The following ZAN variants were observed in gnomAD, a reference collection of about 807,000 sequenced individuals.
ZAN encodes the protein zonadhesin.
In ZAN, 260 loss-of-function variants were observed where a neutral mutation model predicts 286.2. The observed-to-expected ratio is 0.91, with a 90% CI of 0.82 to 1.01. The LOEUF (loss-of-function observed/expected upper bound fraction) is 1.01. ZAN is among the 50% of genes least tolerant of loss of function. ZAN has a pLI of 0.00. For missense variants in ZAN, 3,410 were observed against 3,639.2 expected, an observed-to-expected ratio of 0.94 and a Z score of 1.62; for synonymous variants, 1,368 against 1,417.5, an observed-to-expected ratio of 0.97 and a Z score of 0.79.
rs1808852722 is a variant in ZAN, at chr7:100,752,833, CCAGAAAAACCCACCATCTCCA to C, written c.2730_2750del (p.Ser916_Ile922del). On this transcript the variant is annotated inframe_deletion, in exon 14 of 48. Coordinates refer to ENST00000613979, the MANE Select transcript of ZAN (RefSeq NM_003386.3). ...CCCCACAGAAAAACCCACCATCTCC[CCAGAAAAACCCACCATCTCCA>C]CGGAAAAACCCACCATCCCCACGGA... The C allele has an allele frequency of 6.6e-7, 1 of 1,518,578 alleles. No individual in the cohort carries two copies. The highest frequency in any genetic ancestry group is 1.6e-5 in the African/African-American group (1 of 61,456). The allele number at this position is 1,518,578 out of a possible 1,614,324, so 94.1% of individuals were successfully genotyped here. A position where few individuals can be genotyped will look rare whatever the true frequency, so the allele number is the denominator to read the frequency against.
chr7:100,750,747 G>A lies in ZAN; in HGVS notation c.1372G>A (p.Gly458Ser), dbSNP rs575878761. The A allele has an allele frequency of 9.9e-6, 16 of 1,613,258 alleles. No individual in the cohort carries two copies. In the South Asian group the frequency reaches 1.8e-4, roughly 18 times the overall value. The change falls in exon 12 of 48, where the codon GGC becomes AGC. Residue 458 changes from glycine (G) to serine (S), a missense_variant. Around this residue, in one of 7 missense-constraint regions of ZAN, gnomAD observed 872 missense variants for 938.9 expected, o/e 0.93. Transcript: ENST00000613979. ...ICVEFAYHMY[G>S]LGEGTMLELL... ...CGTGGAGTTCGCATACCACATGTAT[G>A]GCCTTGGGGAGGGTACTATGCTCGA...
intron 23 of ZAN, among the ~76,000 whole-genome samples, chr7:100,765,973 T>C (rs1317086221): frequency 2.0e-5 from 3 of 150,854 alleles, no homozygotes; most frequent in Non-Finnish European, 3.0e-5. Context: ...TTTTGGTTTT[T>C]TGTTGTTGTT....
At chr7:100,747,512 C>T (rs755382666) in intron 8 of ZAN, 38 bp from the exon 9 acceptor site, 1 of 1,597,264 alleles carries the variant, frequency 6.3e-7, no homozygotes, top group Non-Finnish European at 8.6e-7. Flanking sequence ...TCCCAGTCCC[C>T]TTAAGCTCAC....
intron 9 of ZAN, 36 bp downstream of exon 9, chr7:100,747,677 G>A (rs1584558127): frequency 6.4e-7 from 1 of 1,573,174 alleles, no homozygotes; most frequent in East Asian, 2.2e-5. Flanking sequence ...CTTGCACATG[G>A]TAGGCACACC....
At chr7:100,750,466 T>C (rs1808574704) in intron 11 of ZAN, among the ~76,000 whole-genome samples, 159 bp from the exon 12 acceptor site, 1 of 152,138 alleles carries the variant, frequency 6.6e-6, no homozygotes, top group Admixed American at 6.6e-5. Context: ...CCCACCTTCT[T>C]TAGTTAGATG....
At position 100,758,688 on chromosome 7, in the gene ZAN, G is replaced by T. The variant is rs374629129; in HGVS notation, c.3571+38G>T. The T allele has an allele frequency of 1.8e-4, 284 of 1,545,478 alleles. No individual in the cohort carries two copies. In the African/African-American group the frequency reaches 3.3e-3, roughly 18 times the overall value. The stretch of plus-strand genomic sequence containing the variant: ...GATGCCACTGCGGCCTGGGGGGAGG[G>T]TCTGTGGGCAGCGCTGCTAGGCATG... On this transcript the variant is annotated intron_variant, in intron 17 of 47. Coordinates refer to ENST00000613979, the MANE Select transcript of ZAN (RefSeq NM_003386.3).
chr7:100,794,119 G>C lies in ZAN; in HGVS notation c.7987-1G>C. The C allele has an allele frequency of 6.2e-7, 1 of 1,614,012 alleles. No individual in the cohort carries two copies. Among genetic ancestry groups the C allele is most frequent in the Non-Finnish European group, 8.5e-7 (1 of 1,179,878 alleles). ...CTCCTCCTGGCCCTTCCCCTTTCTA[G>C]CTGGGCAGCAGCTTTCTGACTGAGG... On this transcript the variant is annotated splice_acceptor_variant, in intron 43 of 47. Coordinates refer to ENST00000613979, the MANE Select transcript of ZAN (RefSeq NM_003386.3). LOFTEE classifies it high-confidence loss of function.
intron 35 of ZAN, among the ~76,000 whole-genome samples, chr7:100,783,139 G>A (rs489830): frequency 0.3 from 46,208 of 151,848 alleles, 7,617 homozygotes; most frequent in Non-Finnish European, 0.36. Context: ...GTGCTAGTAT[G>A]TGCCTGTAAT....
rs758409505 is a variant in ZAN, at chr7:100,790,964, C to T, written c.7380C>T (p.Tyr2460=). The change falls in exon 40 of 48, where the codon TAC becomes TAT. Residue 2460 remains tyrosine (Y), a synonymous_variant. Coordinates refer to ENST00000613979, the MANE Select transcript of ZAN (RefSeq NM_003386.3). ...KNAVISLPSM[Y]EGLVSGLCGN... is the part of the protein sequence containing the mutation. ...CAGTGATCTCCCTACCCAGCATGTA[C>T]GAGGGGCTTGTGAGTGGCCTGTGCG... The T allele has an allele frequency of 8.1e-6, 13 of 1,612,002 alleles. No individual in the cohort carries two copies. The highest frequency in any genetic ancestry group is 2.7e-5 in the African/African-American group (2 of 74,670).
chr7:100,770,196 T>C (rs1252701099), intron 28 of ZAN, among the ~76,000 whole-genome samples: 21 of 151,970 alleles, frequency 1.4e-4, no homozygotes, highest in Non-Finnish European at 1.0e-4. Flanking sequence ...ATTTCTTTTT[T>C]TTTTTCCTAT....
intron 34 of ZAN, among the ~76,000 whole-genome samples, chr7:100,776,780 C>T (rs1227391201): frequency 1.7e-5 from 2 of 117,660 alleles, no homozygotes; most frequent in Admixed American, 1.1e-4. Context: ...GGCCGGACTG[C>T]GGACTGCAGT....
At chr7:100,756,278 A>G (rs1014858945) in intron 15 of ZAN, among the ~76,000 whole-genome samples, 8 of 152,146 alleles carry the variant, frequency 5.3e-5, no homozygotes, top group Non-Finnish European at 8.8e-5. Context: ...AAAGTGCATT[A>G]AAGGGCCCAG....
intron 24 of ZAN, 56 bp downstream of exon 24, chr7:100,766,722 G>A: frequency 6.5e-7 from 1 of 1,533,782 alleles, no homozygotes; most frequent in Non-Finnish European, 8.8e-7. Flanking sequence ...ACCAGGCAAG[G>A]TGATGGGTCC....
chr7:100,785,197 T>A (rs1811479240), intron 36 of ZAN, among the ~76,000 whole-genome samples: 1 of 151,428 alleles, frequency 6.6e-6, no homozygotes, highest in Non-Finnish European at 1.5e-5. Context: ...ACAACATATG[T>A]AAGTCACCAA....
chr7:100,776,033 C>T (rs1026150985), intron 33 of ZAN, among the ~76,000 whole-genome samples, 200 bp downstream of exon 33: 3 of 151,840 alleles, frequency 2.0e-5, no homozygotes, highest in Admixed American at 2.0e-4. Context: ...AACCATTCTG[C>T]CCGGGCATGG....
chr7:100,777,048 T>G (rs1207635844), intron 34 of ZAN, among the ~76,000 whole-genome samples: 1 of 122,452 alleles, frequency 8.2e-6, no homozygotes, highest in African/African-American at 2.7e-5. Flanking sequence ...CTTTCTTTCG[T>G]TCTTTTTTTT....
chr7:100,768,158 T>A, intron 26 of ZAN, 147 bp downstream of exon 26: 1 of 1,153,870 alleles, frequency 8.7e-7, no homozygotes, highest in Non-Finnish European at 1.2e-6. Context: ...AGGTAGGAGT[T>A]AAGGGAAGAC....
intron 26 of ZAN, 134 bp from the exon 27 acceptor site, chr7:100,768,476 A>G: frequency 1.3e-6 from 1 of 771,452 alleles, no homozygotes; most frequent in Non-Finnish European, 2.0e-6. Context: ...CATCTCAAAA[A>G]AGAAGAAAAA....
At chr7:100,782,014 C>G (rs556306977) in intron 35 of ZAN, among the ~76,000 whole-genome samples, 1 of 152,008 alleles carries the variant, frequency 6.6e-6, no homozygotes, top group South Asian at 2.1e-4. Context: ...ACTTAGGAAC[C>G]CTTTGAATTT....
Sources: allele counts gnomAD v4.1 joint callset (sites outside exome capture counted in the v4.1 genomes callset), GRCh38; gene constraint gnomAD v4.1.1; regional missense constraint gnomAD v4.1.1; transcripts MANE v1.5; gene names NCBI Gene and HGNC (gene_info 2026-07-23, HGNC 2026-07-21).